Variants in OCM observed in about 807,000 individuals in gnomAD.
The protein encoded by OCM is oncomodulin-1.
In OCM, 18 loss-of-function variants were observed where a neutral mutation model predicts 14.1. The ratio of observed to expected loss-of-function variants is 1.28; its 90% CI spans 0.88 to 1.89. OCM has a LOEUF of 1.89. Among genes scored for constraint, OCM ranks in the 40% most tolerant of loss-of-function variants. OCM has a pLI of 0.00. For synonymous variants in OCM, 48 were observed against 51.0 expected (o/e 0.94, Z 0.25); for missense variants, 140 against 137.6 (o/e 1.02, Z -0.09).
At chr7:5,860,515 TG>T in the OCM span, among the ~76,000 whole-genome samples, 50 of 123,480 alleles carry the variant, frequency 4.0e-4, 1 homozygote, top group Non-Finnish European at 6.5e-4. Context: ...TATATATACG[TG>T]TATATATACG....
At chr7:5,867,372 C>G in the OCM span, among the ~76,000 whole-genome samples, 1 of 152,072 alleles carries the variant, frequency 6.6e-6, no homozygotes, top group Non-Finnish European at 1.5e-5. Flanking sequence ...CATATTGTGT[C>G]TCTTTTTTCT....
the OCM span, among the ~76,000 whole-genome samples, chr7:5,863,784 G>A: frequency 0.03 from 4,584 of 152,050 alleles, 188 homozygotes; most frequent in African/African-American, 0.085. Flanking sequence ...TGCCTGACTC[G>A]GCGTCGCAAA....
the OCM span, chr7:5,871,734 T>C: frequency 6.6e-6 from 1 of 152,180 alleles, no homozygotes; most frequent in Non-Finnish European, 1.5e-5. Flanking sequence ...GATTTCCTTT[T>C]TTCTTTCTTT....
At chr7:5,866,657 C>T in the OCM span, among the ~76,000 whole-genome samples, 1 of 152,192 alleles carries the variant, frequency 6.6e-6, no homozygotes, top group East Asian at 1.9e-4. Flanking sequence ...ACTCACTCAA[C>T]TCCCAGTAAT....
chr7:5,863,847 T>C, the OCM span, among the ~76,000 whole-genome samples: 1 of 152,008 alleles, frequency 6.6e-6, no homozygotes, highest in Non-Finnish European at 1.5e-5. Flanking sequence ...GTTCATGTTA[T>C]AGCTAAGGCA....
rs540942263 is a variant in OCM at position 5,881,100 on chromosome 7, C to G, written c.61+150C>G. Reference sequence around the variant, plus strand: ...TTGGGAGGCCGAGGCGGGTGGATCACGAGGTCAGGAGTTCGAGACCAGCCT... The same window carrying G: ...TTGGGAGGCCGAGGCGGGTGGATCAGGAGGTCAGGAGTTCGAGACCAGCCT... On this transcript the variant is annotated intron_variant, in intron 1 of 3. Transcript: ENST00000242104. 7 of 691,186 alleles carry G rather than the reference C, an allele frequency of 1.0e-5. No homozygotes were observed. In the Admixed American group the frequency reaches 1.5e-4, roughly 15 times the overall value. 42.8% of individuals were successfully genotyped at this position (691,186 alleles called of 1,614,324 possible).
At chr7:5,866,038 C>A in the OCM span, among the ~76,000 whole-genome samples, 1 of 151,876 alleles carries the variant, frequency 6.6e-6, no homozygotes, top group Admixed American at 6.6e-5. Flanking sequence ...CAGTATTTTT[C>A]TGCTGGGTGC....
At chr7:5,875,853 T>C (rs1781085280), upstream of OCM, among the ~76,000 whole-genome samples, 1 of 151,226 alleles carries the variant, frequency 6.6e-6, no homozygotes, top group Admixed American at 6.6e-5. Context: ...TTTTTTTTCC[T>C]GAGACAAGGT....
At chr7:5,867,594 T>C in the OCM span, among the ~76,000 whole-genome samples, 2 of 152,116 alleles carry the variant, frequency 1.3e-5, no homozygotes, top group African/African-American at 4.8e-5. Flanking sequence ...CCCTCCTCTT[T>C]CTCCTTTTCT....
At chr7:5,878,875 T>TAA (rs57901741), upstream of OCM, among the ~76,000 whole-genome samples, 6,632 of 101,908 alleles carry the variant, frequency 0.065, 277 homozygotes, top group Admixed American at 0.092. Flanking sequence ...TGCTGAAAGT[T>TAA]AAAAAAAAAA....
chr7:5,871,657 A>G, the OCM span: 2 of 152,100 alleles, frequency 1.3e-5, no homozygotes, highest in African/African-American at 4.8e-5. Context: ...CTGCACTTAG[A>G]AAGCCTGCAC....
At chr7:5,863,970 T>C in the OCM span, among the ~76,000 whole-genome samples, 18 of 151,616 alleles carry the variant, frequency 1.2e-4, no homozygotes, top group Middle Eastern at 0.01. Flanking sequence ...GAAGGCAAGG[T>C]CATCTGCTGA....
At chr7:5,862,524 G>A in the OCM span, among the ~76,000 whole-genome samples, 2 of 152,160 alleles carry the variant, frequency 1.3e-5, no homozygotes, top group Non-Finnish European at 2.9e-5. Flanking sequence ...ATAGGACAAG[G>A]ACAAGATCGT....
chr7:5,880,103 C>T (rs1781178336), upstream of OCM: 1 of 152,186 alleles, frequency 6.6e-6, no homozygotes, highest in Non-Finnish European at 1.5e-5. Flanking sequence ...GCTTTTCATC[C>T]ATCTGCTTCC....
upstream of OCM, among the ~76,000 whole-genome samples, chr7:5,877,934 T>G (rs1583169426): frequency 6.6e-6 from 1 of 150,892 alleles, no homozygotes; most frequent in East Asian, 1.9e-4. Flanking sequence ...AAATACTATA[T>G]GATTACACTT....
chr7:5,881,583 T>C (rs898668678), intron 1 of OCM, among the ~76,000 whole-genome samples: 10 of 151,986 alleles, frequency 6.6e-5, no homozygotes, highest in African/African-American at 2.4e-4. Context: ...TGAGCTATGA[T>C]CGCTACACTG....
the OCM span, among the ~76,000 whole-genome samples, chr7:5,868,439 G>T: frequency 6.6e-6 from 1 of 151,982 alleles, no homozygotes; most frequent in Non-Finnish European, 1.5e-5. Context: ...GAGCCACCGC[G>T]CCCGGCCACT....
the OCM span, among the ~76,000 whole-genome samples, chr7:5,870,323 T>C: frequency 6.6e-6 from 1 of 152,108 alleles, no homozygotes; most frequent in South Asian, 2.1e-4. Flanking sequence ...TGTTGCCCAA[T>C]CTGGTCTCAA....
At chr7:5,860,069 AAG>A in the OCM span, among the ~76,000 whole-genome samples, 1 of 151,892 alleles carries the variant, frequency 6.6e-6, no homozygotes, top group Admixed American at 6.6e-5. Flanking sequence ...CCCCCCCACA[AAG>A]AGAACCCACA....
Sources: gnomAD v4.1 joint callset for allele counts (sites outside exome capture counted in the v4.1 genomes callset) on GRCh38, gnomAD v4.1.1 for gene constraint, MANE v1.5 for transcripts, NCBI Gene and HGNC (gene_info 2026-07-23, HGNC 2026-07-21) for gene names.